Variants in SPMIP2 observed in about 807,000 individuals in gnomAD.
SPMIP2 encodes protein SPMIP2.
At chr4:158,924,911 T>G in the SPMIP2 span, among the ~76,000 whole-genome samples, 3 of 152,220 alleles carry the variant, frequency 2.0e-5, no homozygotes, top group Admixed American at 1.3e-4. Flanking sequence ...AGATTCCACT[T>G]GGTCATGATG....
chr4:158,931,886 GCTAT>G, the SPMIP2 span, among the ~76,000 whole-genome samples: 1 of 151,352 alleles, frequency 6.6e-6, no homozygotes, highest in Non-Finnish European at 1.5e-5. Context: ...TAAAATAATT[GCTAT>G]CTTTTTATTG....
chr4:158,938,661 G>T, the SPMIP2 span, among the ~76,000 whole-genome samples: 1 of 152,218 alleles, frequency 6.6e-6, no homozygotes, highest in African/African-American at 2.4e-5. Context: ...ATGGGCTCCA[G>T]CTGGGCTTCT....
At chr4:159,029,479 T>C in the SPMIP2 span, among the ~76,000 whole-genome samples, 253 of 152,324 alleles carry the variant, frequency 1.7e-3, 1 homozygote, top group African/African-American at 5.7e-3. Flanking sequence ...AAAAGTTGGA[T>C]CCACCGATAG....
chr4:158,922,994 A>G, the SPMIP2 span, among the ~76,000 whole-genome samples: 1 of 152,236 alleles, frequency 6.6e-6, no homozygotes, highest in African/African-American at 2.4e-5. Context: ...ATATTCAGTC[A>G]TCCCAGCACC....
the SPMIP2 span, among the ~76,000 whole-genome samples, chr4:158,937,883 A>C: frequency 5.9e-5 from 9 of 152,236 alleles, no homozygotes; most frequent in Non-Finnish European, 1.3e-4. Flanking sequence ...AATTCCAAGG[A>C]TAATCAGTTG....
chr4:159,057,954 T>A, the SPMIP2 span, among the ~76,000 whole-genome samples: 6 of 152,136 alleles, frequency 3.9e-5, no homozygotes, highest in East Asian at 1.2e-3. Flanking sequence ...AGCCTCAACC[T>A]CCCAGGCTCA....
chr4:159,077,841 A>G, the SPMIP2 span, among the ~76,000 whole-genome samples: 2 of 152,216 alleles, frequency 1.3e-5, no homozygotes, highest in African/African-American at 4.8e-5. Flanking sequence ...TTTCAATTTA[A>G]TGGAACAAAG....
the SPMIP2 span, among the ~76,000 whole-genome samples, chr4:159,050,837 C>CGT: frequency 6.6e-6 from 1 of 151,770 alleles, no homozygotes; most frequent in South Asian, 2.1e-4. Flanking sequence ...GGCCAGGCGC[C>CGT]GTGGTTCACG....
At chr4:159,054,272 G>A in the SPMIP2 span, among the ~76,000 whole-genome samples, 2 of 152,134 alleles carry the variant, frequency 1.3e-5, no homozygotes, top group African/African-American at 4.8e-5. Flanking sequence ...GTGTTGGGTG[G>A]TTGTGAACCA....
At chr4:159,070,973 T>C in the SPMIP2 span, among the ~76,000 whole-genome samples, 1 of 152,162 alleles carries the variant, frequency 6.6e-6, no homozygotes, top group Non-Finnish European at 1.5e-5. Flanking sequence ...GCAATGATGA[T>C]GAGCACTATT....
At chr4:158,962,632 C>T in the SPMIP2 span, among the ~76,000 whole-genome samples, 2 of 152,176 alleles carry the variant, frequency 1.3e-5, no homozygotes, top group Non-Finnish European at 2.9e-5. Flanking sequence ...TGTCTTTCTT[C>T]CCACAGCCTG....
chr4:159,029,515 T>A, the SPMIP2 span, among the ~76,000 whole-genome samples: 1 of 152,362 alleles, frequency 6.6e-6, no homozygotes, highest in South Asian at 2.1e-4. Context: ...TTTCAATTCC[T>A]TTATTAATTG....
chr4:159,074,793 A>G, the SPMIP2 span, among the ~76,000 whole-genome samples: 1 of 152,218 alleles, frequency 6.6e-6, no homozygotes, highest in African/African-American at 2.4e-5. Context: ...ATTCATGTTA[A>G]GAATTTGTAT....
chr4:159,043,614 T>C, the SPMIP2 span, among the ~76,000 whole-genome samples: 1 of 152,254 alleles, frequency 6.6e-6, no homozygotes, highest in African/African-American at 2.4e-5. Flanking sequence ...CCCAAAGTGC[T>C]GGGATTACGG....
chr4:158,944,309 C>A, the SPMIP2 span, among the ~76,000 whole-genome samples: 1 of 151,978 alleles, frequency 6.6e-6, no homozygotes. Flanking sequence ...AAGTCTCTGT[C>A]TTGGTGAGAC....
At chr4:159,025,520 T>G in the SPMIP2 span, among the ~76,000 whole-genome samples, 5 of 152,212 alleles carry the variant, frequency 3.3e-5, no homozygotes, top group Non-Finnish European at 7.3e-5. Flanking sequence ...ATTAAAGTTT[T>G]AAAACCATTT....
chr4:159,004,289 C>CTTTTTTT, the SPMIP2 span, among the ~76,000 whole-genome samples: 2,092 of 78,812 alleles, frequency 0.027, 132 homozygotes, highest in Non-Finnish European at 0.029. Context: ...ACTCTGTGCT[C>CTTTTTTT]TTTTTTTTTT....
At chr4:159,051,643 C>G in the SPMIP2 span, among the ~76,000 whole-genome samples, 1 of 152,318 alleles carries the variant, frequency 6.6e-6, no homozygotes, top group Middle Eastern at 3.4e-3. Context: ...GAATTTCTCT[C>G]TTTCATTCTT....
chr4:159,049,620 CA>C, the SPMIP2 span, among the ~76,000 whole-genome samples: 1 of 152,158 alleles, frequency 6.6e-6, no homozygotes, highest in Non-Finnish European at 1.5e-5. Flanking sequence ...TTTGGCAAAT[CA>C]AGTGATTTTA....
Sources: allele counts gnomAD v4.1 joint callset (sites outside exome capture counted in the v4.1 genomes callset), GRCh38; gene constraint gnomAD v4.1.1; transcripts MANE v1.5; gene names NCBI Gene and HGNC (gene_info 2026-07-23, HGNC 2026-07-21).